Variants in LARGE1 observed in about 807,000 individuals in gnomAD.
LARGE1 encodes the protein xylosyl- and glucuronyltransferase LARGE1.
In LARGE1, 43 loss-of-function variants were observed where a neutral mutation model predicts 87.6. That is an observed-to-expected ratio of 0.49 (90% CI 0.38 to 0.63). LARGE1 has a LOEUF of 0.63. Ranked by LOEUF, LARGE1 falls within the 30% of genes least tolerant of loss-of-function variation. The pLI, the probability that LARGE1 is intolerant of heterozygous loss-of-function variation, is 0.00. For missense variants in LARGE1, 802 were observed against 1,000.2 expected (o/e 0.80, Z 2.67); for synonymous variants, 434 against 394.6 (o/e 1.10, Z -1.18).
In LARGE1 at chr22:33,710,807, A is replaced by C. The variant is rs150651793; in HGVS notation, c.106+50564T>G. ...AGAGAAGGAAATGGCAAAATTCTTT[A>C]AAACCAGGGGCACATTTCAATGGGA... On this transcript the variant is annotated intron_variant, in intron 2 of 14. Coordinates refer to ENST00000397394, the MANE Select transcript of LARGE1 (RefSeq NM_133642.5). 1.9e-3 allele frequency among the ~76,000 whole-genome samples: 289 copies of C among 152,328 alleles called. 1 individual carries two copies. Among genetic ancestry groups the C allele is most frequent in the African/African-American group, 6.5e-3 (270 of 41,568 alleles).
chr22:33,855,410 C>G (rs1205148508), intron 1 of LARGE1, among the ~76,000 whole-genome samples: 1 of 152,142 alleles, frequency 6.6e-6, no homozygotes, highest in Non-Finnish European at 1.5e-5. Context: ...GGGAAACTGT[C>G]AGAACCCTAA....
In LARGE1 at chr22:33,188,097, C is replaced by T. The variant is rs533704072; in HGVS notation, c.1731-21265G>A. On this transcript the variant is annotated intron_variant, in intron 11 of 11. Coordinates refer to the LARGE1 transcript ENST00000608642. Reference sequence around the variant, plus strand: ...CATCATATTGTATATAATAAACATACTCAACTTATATGCATCAATTAAAAA... The same window carrying T: ...CATCATATTGTATATAATAAACATATTCAACTTATATGCATCAATTAAAAA... 1.0e-3 allele frequency among the ~76,000 whole-genome samples: 158 copies of T among 151,710 alleles called. 1 individual carries two copies. Among genetic ancestry groups the T allele is most frequent in the African/African-American group, 3.7e-3 (154 of 41,396 alleles).
chr22:33,695,809 T>C (rs908432670), intron 2 of LARGE1, among the ~76,000 whole-genome samples: 1 of 152,206 alleles, frequency 6.6e-6, no homozygotes, highest in Non-Finnish European at 1.5e-5. Context: ...CATACTCCTA[T>C]GTAACCCAAA....
chr22:33,304,093 C>T, intron 12 of LARGE1, 136 bp downstream of exon 12: 2 of 985,494 alleles, frequency 2.0e-6, no homozygotes, highest in African/African-American at 1.6e-5. Context: ...GTCCCTTCCC[C>T]TTTCTGGGTC....
chr22:33,775,351 C>T (rs1331723582), intron 1 of LARGE1, among the ~76,000 whole-genome samples: 2 of 152,214 alleles, frequency 1.3e-5, no homozygotes, highest in African/African-American at 4.8e-5. Context: ...CCAAATCACA[C>T]CTTCTAATCC....
downstream of LARGE1, among the ~76,000 whole-genome samples, chr22:33,271,207 C>A (rs1928225408): frequency 6.6e-6 from 1 of 152,184 alleles, no homozygotes; most frequent in African/African-American, 2.4e-5. Context: ...GGTTCAAATT[C>A]TCTTGTCTGT....
rs543084177 is a variant in LARGE1 at position 33,333,479 on chromosome 22, G to A, written c.1287+4167C>T. On this transcript the variant is annotated intron_variant, in intron 10 of 14. Transcript: ENST00000397394. Reference sequence around the variant, plus strand: ...CCAAGCTTCTCAGCACAGTCAGGGCGCCTCCTGGTCAGCTTTGTTCCTAGC... The same window carrying A: ...CCAAGCTTCTCAGCACAGTCAGGGCACCTCCTGGTCAGCTTTGTTCCTAGC... Among the ~76,000 whole-genome samples the A allele has an allele frequency of 4.6e-5, 7 of 152,240 alleles. No individual in the cohort carries two copies. The South Asian group carries it at 8.3e-4, about 18-fold the overall frequency.
intron 1 of LARGE1, among the ~76,000 whole-genome samples, chr22:33,792,043 C>A (rs978544848): frequency 1.3e-5 from 2 of 152,172 alleles, no homozygotes; most frequent in Non-Finnish European, 2.9e-5. Context: ...AATGCAGAGC[C>A]TCAGAGTCCA....
chr22:33,442,894 G>C (rs567596784), intron 6 of LARGE1, among the ~76,000 whole-genome samples: 3 of 151,394 alleles, frequency 2.0e-5, no homozygotes, highest in African/African-American at 7.3e-5. Context: ...CCGGGTTCAC[G>C]CCATTCTCCT....
chr22:33,823,924 T>G (rs2062708461), intron 1 of LARGE1, among the ~76,000 whole-genome samples: 1 of 152,184 alleles, frequency 6.6e-6, no homozygotes, highest in Non-Finnish European at 1.5e-5. Context: ...CATTCCTCAT[T>G]TGCCCTGTTA....
At chr22:33,878,505 T>C (rs2064557706) in intron 1 of LARGE1, among the ~76,000 whole-genome samples, 1 of 152,152 alleles carries the variant, frequency 6.6e-6, no homozygotes, top group Non-Finnish European at 1.5e-5. Flanking sequence ...GGCAATTCCT[T>C]TCTCAAAGGA....
intron 6 of LARGE1, among the ~76,000 whole-genome samples, chr22:33,552,019 A>T (rs1455649422): frequency 7.1e-6 from 1 of 140,012 alleles, no homozygotes; most frequent in Non-Finnish European, 1.5e-5. Context: ...AAAAAAAGTG[A>T]TCTAGCTAAA....
intron 5 of LARGE1, among the ~76,000 whole-genome samples, chr22:33,592,381 C>T (rs1018030396): frequency 6.6e-6 from 1 of 152,076 alleles, no homozygotes; most frequent in Non-Finnish European, 1.5e-5. Context: ...AAATAATCAT[C>T]ACTAATAAAT....
At chr22:33,469,789 C>T (rs889347863) in intron 6 of LARGE1, among the ~76,000 whole-genome samples, 7 of 150,228 alleles carry the variant, frequency 4.7e-5, no homozygotes, top group Non-Finnish European at 1.0e-4. Context: ...GATCGCACCA[C>T]TGCACTCCAG....
At chr22:33,627,701 T>G (rs140862636) in intron 3 of LARGE1, among the ~76,000 whole-genome samples, 3 of 152,160 alleles carry the variant, frequency 2.0e-5, no homozygotes, top group African/African-American at 7.2e-5. Flanking sequence ...CACGGGAGGC[T>G]CGGCCATCAG....
intron 12 of LARGE1, among the ~76,000 whole-genome samples, chr22:33,300,308 C>T (rs1933970805): frequency 6.6e-6 from 1 of 152,216 alleles, no homozygotes; most frequent in Admixed American, 6.5e-5. Flanking sequence ...AGACTGAGTG[C>T]AGCTGGCAGG....
intron 1 of LARGE1, among the ~76,000 whole-genome samples, chr22:33,912,785 A>G (rs2065674050): frequency 6.6e-6 from 1 of 151,826 alleles, no homozygotes; most frequent in Non-Finnish European, 1.5e-5. Context: ...TGAAAAAAAA[A>G]AAAGCCCTAG....
intron 1 of LARGE1, among the ~76,000 whole-genome samples, chr22:33,768,241 G>A (rs965445896): frequency 5.9e-5 from 9 of 152,120 alleles, no homozygotes; most frequent in African/African-American, 2.2e-4. Context: ...CCCAGGAGGC[G>A]GAGCTTGCAG....
At chr22:33,777,690 A>C in intron 1 of LARGE1, among the ~76,000 whole-genome samples, 1 of 135,958 alleles carries the variant, frequency 7.4e-6, no homozygotes. Context: ...GGAGAAGGGG[A>C]AGGGAAGGCA....
Sources: gnomAD v4.1 joint callset for allele counts (sites outside exome capture counted in the v4.1 genomes callset) on GRCh38, gnomAD v4.1.1 for gene constraint, MANE v1.5 for transcripts, NCBI Gene and HGNC (gene_info 2026-07-23, HGNC 2026-07-21) for gene names.